SPDYE4: variants seen among roughly 807,000 people sequenced by gnomAD.
SPDYE4 encodes the protein speedy/RINGO cell cycle regulator family member E4, also known as speedy protein E4.
A neutral mutation model predicts 37.5 loss-of-function variants in SPDYE4; 30 were observed. The observed-to-expected ratio is 0.80, with a 90% confidence interval of 0.60 to 1.09. SPDYE4 has a LOEUF of 1.09. Ranked by LOEUF, SPDYE4 falls within the 50% of genes least tolerant of loss-of-function variation. SPDYE4 has a pLI of 0.00. For synonymous variants in SPDYE4, 131 were observed against 120.3 expected, an observed-to-expected ratio of 1.09 and a Z score of -0.58; for missense variants, 300 against 307.9, an observed-to-expected ratio of 0.97 and a Z score of 0.19.
chr17:8,748,997 C>T (rs905577040), downstream of SPDYE4, among the ~76,000 whole-genome samples: 8 of 152,130 alleles, frequency 5.3e-5, no homozygotes, highest in African/African-American at 1.9e-4. Context: ...GCAGAGATGG[C>T]ACTAAACAGG....
downstream of SPDYE4, among the ~76,000 whole-genome samples, chr17:8,749,219 G>T (rs2086710602): frequency 6.6e-6 from 1 of 150,970 alleles, no homozygotes. Context: ...CAGCCTCCTG[G>T]GTAGCTGGGA....
rs528535666 is a variant in SPDYE4, at chr17:8,751,907, G to A, written c.*375C>T. ...CTGCGCTGTGCCTTCAAATGCTCTG[G>A]ACTGTGGCAACCAAGTCCATAGGAA... On this transcript the variant is annotated 3_prime_UTR_variant, in exon 7 of 7. Transcript: ENST00000689094. Among the ~76,000 whole-genome samples the A allele has an allele frequency of 5.9e-5, 9 of 152,266 alleles. No homozygotes were observed. Among genetic ancestry groups the A allele is most frequent in the Admixed American group, 2.6e-4 (4 of 15,306 alleles).
intron 2 of SPDYE4, 61 bp from the exon 3 acceptor site, chr17:8,756,497 G>C (rs2086773824): frequency 6.7e-7 from 1 of 1,491,772 alleles, no homozygotes; most frequent in Non-Finnish European, 9.3e-7. Flanking sequence ...GGGAGCAGCA[G>C]AGCAGAGAGG....
intron 4 of SPDYE4, among the ~76,000 whole-genome samples, chr17:8,753,737 A>C (rs537967161): frequency 6.6e-6 from 1 of 152,232 alleles, no homozygotes; most frequent in South Asian, 2.1e-4. Flanking sequence ...GAATCCCAGC[A>C]CTTTGGGAGT....
chr17:8,756,395 G>A lies in SPDYE4; in HGVS notation c.382C>T (p.Leu128=), dbSNP rs542310586. The change falls in exon 3 of 7, where the codon CTG becomes TTG. Residue 128 remains leucine, a synonymous_variant. Coordinates refer to ENST00000689094, the MANE Select transcript of SPDYE4 (RefSeq NM_001394956.1). Reference sequence around the variant, plus strand: ...AACCTTACCTTGTCTGACACCCTCAGGTCTTTGTCCCAGGCCAGGAATTTT... The same window carrying A: ...AACCTTACCTTGTCTGACACCCTCAAGTCTTTGTCCCAGGCCAGGAATTTT... ...VQKFLAWDKD[L]RVSDKYLLAM... 11 of 1,613,978 alleles carry A rather than the reference G, an allele frequency of 6.8e-6. No individual in the cohort carries two copies. The East Asian group carries it at 1.3e-4, about 20-fold the overall frequency.
rs1206894656 is a variant in SPDYE4 at position 8,757,386 on chromosome 17, C to A, written c.216G>T (p.Glu72Asp). The change falls in exon 2 of 7, where the codon GAG (glutamate) becomes GAT (aspartate). Residue 72 changes from glutamate to aspartate, a missense_variant. Physicochemically the swap from Glu to Asp is conservative, Grantham distance 45. Transcript: ENST00000689094. Reference protein sequence around the residue: ...EEELEEELELERAPEPEDTWV... With the variant: ...EEELEEELELDRAPEPEDTWV... ...AGGTGTCCTCGGGCTCAGGGGCGCG[C>A]TCCAACTCCAGCTCCTCCTCCAGCT... 1.9e-6 allele frequency: 3 copies of A among 1,592,082 alleles called. No individual in the cohort carries two copies. In the African/African-American group the frequency reaches 4.0e-5, roughly 21 times the overall value.
At chr17:8,756,607 C>T (rs930264830) in intron 2 of SPDYE4, among the ~76,000 whole-genome samples, 171 bp from the exon 3 acceptor site, 6 of 152,146 alleles carry the variant, frequency 3.9e-5, no homozygotes, top group African/African-American at 4.8e-5. Flanking sequence ...GGGAGGCTCC[C>T]GCTCTGAGAT....
rs73260148 is a variant in SPDYE4 at position 8,751,623 on chromosome 17, C to T, written c.*659G>A. Among the ~76,000 whole-genome samples the T allele has an allele frequency of 0.021, 3,218 of 151,966 alleles. 102 individuals are homozygous for T. Among genetic ancestry groups the T allele is most frequent in the African/African-American group, 0.072 (2,967 of 41,448 alleles). ...AAACGATTTAAAGAGAAAACATTTA[C>T]GATAAAAAGAATCCTCTCTTAAAAA... On this transcript the variant is annotated 3_prime_UTR_variant, in exon 7 of 7. Coordinates refer to ENST00000689094, the MANE Select transcript of SPDYE4 (RefSeq NM_001394956.1).
At chr17:8,757,549 C>T in intron 1 of SPDYE4, 57 bp from the exon 2 acceptor site, 15 of 1,548,806 alleles carry the variant, frequency 9.7e-6, no homozygotes, top group Non-Finnish European at 1.3e-5. Flanking sequence ...ACCTTAGACG[C>T]CCCGACCCAG....
Position 8,755,555 on chromosome 17 carries a change from C to G in SPDYE4, c.450G>C (p.Ser150=), listed in dbSNP as rs753894197. 1.2e-6 allele frequency: 2 copies of G among 1,612,044 alleles called. No individual in the cohort carries two copies. Among genetic ancestry groups the G allele is most frequent in the African/African-American group, 1.3e-5 (1 of 74,814 alleles). The change falls in exon 4 of 7, where the codon TCG becomes TCC. Residue 150 remains serine (S), a synonymous_variant. Transcript: ENST00000689094. ...AGAAATGAATGCGTTGGTATTGCCA[C>G]GAGAAGAGGCCGGCACGGCTAAAAT... The part of the protein sequence containing the change: ...IAYFSRAGLF[S]WQYQRIHFFL...
At position 8,755,734 on chromosome 17, in the gene SPDYE4, C is replaced by T. The variant is rs2086766757; in HGVS notation, c.400-129G>A. Reference sequence around the variant, plus strand: ...CAGAAGGAACCTCAGTGTTGGGTGACTATGCTCATTGGGGGCTTGCGGGTG... The same window carrying T: ...CAGAAGGAACCTCAGTGTTGGGTGATTATGCTCATTGGGGGCTTGCGGGTG... On this transcript the variant is annotated intron_variant, in intron 3 of 6. Coordinates refer to ENST00000689094, the MANE Select transcript of SPDYE4 (RefSeq NM_001394956.1). The T allele has an allele frequency of 3.3e-6, 4 of 1,215,778 alleles. No homozygotes were observed. In the South Asian group the frequency reaches 4.1e-5, roughly 12 times the overall value. The allele number at this position is 1,215,778 out of a possible 1,614,324, so 75.3% of individuals were successfully genotyped here.
intron 4 of SPDYE4, among the ~76,000 whole-genome samples, chr17:8,754,739 CA>C (rs1567541778): frequency 1.3e-5 from 2 of 152,288 alleles, no homozygotes; most frequent in East Asian, 3.9e-4. Context: ...GCTGGAAGAT[CA>C]GGGGAGGCAT....
chr17:8,756,611 C>G (rs548467553), intron 2 of SPDYE4, among the ~76,000 whole-genome samples, 175 bp from the exon 3 acceptor site: 1 of 152,278 alleles, frequency 6.6e-6, no homozygotes, highest in South Asian at 2.1e-4. Context: ...GGCTCCCGCT[C>G]TGAGATTCCC....
intron 1 of SPDYE4, 51 bp downstream of exon 1, chr17:8,758,223 C>A: frequency 1.4e-6 from 2 of 1,412,376 alleles, no homozygotes; most frequent in Admixed American, 2.3e-5. Flanking sequence ...TGGCCCCCTT[C>A]CCTCTCCTCA....
At chr17:8,753,559 CAGAGAGG>C in intron 4 of SPDYE4, 70 bp from the exon 5 acceptor site, 1 of 1,572,778 alleles carries the variant, frequency 6.4e-7, no homozygotes, top group Non-Finnish European at 8.6e-7. Context: ...GGCAGCCTCT[CAGAGAGG>C]AGGGCAGGGG....
chr17:8,752,971 A>T (rs2086739324), intron 6 of SPDYE4, 123 bp downstream of exon 6: 1 of 857,402 alleles, frequency 1.2e-6, no homozygotes. Context: ...TAATTTTTGT[A>T]TTTTTGTGGA....
downstream of SPDYE4, among the ~76,000 whole-genome samples, chr17:8,747,847 G>T (rs979953077): frequency 6.6e-6 from 1 of 152,190 alleles, no homozygotes; most frequent in Non-Finnish European, 1.5e-5. Flanking sequence ...TTTTCATGCT[G>T]CTGATAAAGA....
chr17:8,749,097 A>ATTTTT (rs535722696), downstream of SPDYE4, among the ~76,000 whole-genome samples: 1,120 of 147,528 alleles, frequency 7.6e-3, 21 homozygotes, highest in African/African-American at 0.026. Context: ...AATGTTTTGA[A>ATTTTT]TTTTTTTTTT....
chr17:8,754,772 C>T (rs1321453748), intron 4 of SPDYE4, among the ~76,000 whole-genome samples: 1 of 152,154 alleles, frequency 6.6e-6, no homozygotes, highest in Non-Finnish European at 1.5e-5. Context: ...TGGGGTTGAA[C>T]TGACTTTAAG....
Sources: allele counts gnomAD v4.1 joint callset (sites outside exome capture counted in the v4.1 genomes callset), GRCh38; gene constraint gnomAD v4.1.1; transcripts MANE v1.5; gene names NCBI Gene and HGNC (gene_info 2026-07-23, HGNC 2026-07-21).